The following RBFOX1 variants were observed in gnomAD, a reference collection of about 807,000 sequenced individuals.
The protein encoded by RBFOX1 is RNA binding protein fox-1 homolog 1.
A neutral mutation model predicts 57.7 loss-of-function variants in RBFOX1; 8 were observed. The ratio of observed to expected loss-of-function variants is 0.14; its 90% CI spans 0.08 to 0.25. The LOEUF is 0.25. Among genes scored for constraint, RBFOX1 ranks in the 10% least tolerant of loss-of-function variants. The probability of loss-of-function intolerance (pLI) is 1.00; values close to 1 mark genes in which losing one functional copy is unlikely to be tolerated. For synonymous variants in RBFOX1, 326 were observed against 222.4 expected (o/e 1.47, Z -4.15); for missense variants, 611 against 548.5 (o/e 1.11, Z -1.14).
chr16:6,239,815 C>T (rs1358548661), intron 1 of RBFOX1, among the ~76,000 whole-genome samples: 2 of 152,068 alleles, frequency 1.3e-5, no homozygotes, highest in Non-Finnish European at 2.9e-5. Flanking sequence ...ACTGTTAAAA[C>T]ATTTTCTTTT....
chr16:7,597,473 C>G, intron 9 of RBFOX1, 42 bp downstream of exon 9: 1 of 1,487,550 alleles, frequency 6.7e-7, no homozygotes, highest in South Asian at 1.2e-5. Context: ...CTCTCTACTT[C>G]TGACTCTTTA....
At chr16:7,486,890 A>C (rs1376251918) in intron 4 of RBFOX1, among the ~76,000 whole-genome samples, 1 of 151,842 alleles carries the variant, frequency 6.6e-6, no homozygotes, top group Admixed American at 6.6e-5. Context: ...CACAATTCTC[A>C]CTTCAAGGCA....
At chr16:6,777,396 G>A (rs13332418) in intron 3 of RBFOX1, among the ~76,000 whole-genome samples, 2,685 of 152,172 alleles carry the variant, frequency 0.018, 79 homozygotes, top group African/African-American at 0.062. Flanking sequence ...CGAGGCAGGC[G>A]CTCGGGGAAT....
chr16:7,185,102 C>T (rs1237940118), intron 4 of RBFOX1, among the ~76,000 whole-genome samples: 2 of 152,138 alleles, frequency 1.3e-5, no homozygotes, highest in Non-Finnish European at 2.9e-5. Flanking sequence ...TCTATTTAAA[C>T]CACCTAACAG....
At chr16:7,088,577 G>A (rs1773172793) in intron 4 of RBFOX1, among the ~76,000 whole-genome samples, 1 of 151,632 alleles carries the variant, frequency 6.6e-6, no homozygotes, top group South Asian at 2.1e-4. Flanking sequence ...TAAAATAAGA[G>A]CAATGAAGTG....
chr16:6,904,686 G>T (rs555084041), intron 3 of RBFOX1, among the ~76,000 whole-genome samples: 1 of 150,390 alleles, frequency 6.6e-6, no homozygotes, highest in African/African-American at 2.4e-5. Flanking sequence ...TGGGGAAGCA[G>T]CTGCTTTTTC....
At chr16:6,527,411 C>T (rs116512472) in intron 2 of RBFOX1, among the ~76,000 whole-genome samples, 1,918 of 152,186 alleles carry the variant, frequency 0.013, 28 homozygotes, top group African/African-American at 0.039. Context: ...TCCTTCCCCC[C>T]ATCACTTAAT....
chr16:7,098,752 C>A (rs1173541120), intron 4 of RBFOX1, among the ~76,000 whole-genome samples: 1 of 151,854 alleles, frequency 6.6e-6, no homozygotes, highest in Admixed American at 6.6e-5. Flanking sequence ...GAGTTTGAGA[C>A]CAGCCTGGGC....
chr16:6,823,234 G>C (rs1471110877), intron 3 of RBFOX1, among the ~76,000 whole-genome samples: 1 of 151,586 alleles, frequency 6.6e-6, no homozygotes, highest in African/African-American at 2.4e-5. Flanking sequence ...TGGCCCATCT[G>C]AAATTGTTTT....
chr16:7,114,666 C>T (rs566124165), intron 4 of RBFOX1, among the ~76,000 whole-genome samples: 91 of 152,318 alleles, frequency 6.0e-4, no homozygotes, highest in Middle Eastern at 3.4e-3. Context: ...CTCATGCCTT[C>T]TTCCCCTGCC....
At chr16:7,396,538 C>G (rs1597386787) in intron 4 of RBFOX1, among the ~76,000 whole-genome samples, 2 of 152,306 alleles carry the variant, frequency 1.3e-5, no homozygotes, top group East Asian at 3.9e-4. Context: ...GCTTAATACT[C>G]TGCGGACCTC....
intron 4 of RBFOX1, among the ~76,000 whole-genome samples, chr16:7,194,520 T>C (rs2086206257): frequency 6.6e-6 from 1 of 152,178 alleles, no homozygotes; most frequent in African/African-American, 2.4e-5. Flanking sequence ...AAAATGTACA[T>C]TTAAATTACC....
At chr16:6,856,147 C>G (rs1022731173) in intron 3 of RBFOX1, among the ~76,000 whole-genome samples, 1 of 151,866 alleles carries the variant, frequency 6.6e-6, no homozygotes, top group Admixed American at 6.6e-5. Flanking sequence ...CTTCCCTTCC[C>G]TTTACCTTCC....
Position 5,754,268 on chromosome 16 carries a change from G to A in RBFOX1, c.319-113035G>A, listed in dbSNP as rs1403469887. ...GGTACCTTCCCTGTAAGCGTCTTGGGAGGATTAATTGTGTTAATCTATGTA... is the reference window on the plus strand; with the variant it reads ...GGTACCTTCCCTGTAAGCGTCTTGGAAGGATTAATTGTGTTAATCTATGTA... On this transcript the variant is annotated intron_variant, in intron 3 of 19. Coordinates refer to the RBFOX1 transcript ENST00000641259. 2.0e-5 allele frequency among the ~76,000 whole-genome samples: 3 copies of A among 152,120 alleles called. No homozygotes were observed. The East Asian group carries it at 5.8e-4, about 29-fold the overall frequency.
At chr16:7,553,145 T>G (rs2087123367) in intron 5 of RBFOX1, among the ~76,000 whole-genome samples, 1 of 152,162 alleles carries the variant, frequency 6.6e-6, no homozygotes, top group African/African-American at 2.4e-5. Context: ...TTTAAAATTT[T>G]ATTTCTTTCT....
chr16:7,471,536 C>A (rs1337337865), intron 4 of RBFOX1, among the ~76,000 whole-genome samples: 1 of 152,102 alleles, frequency 6.6e-6, no homozygotes, highest in Non-Finnish European at 1.5e-5. Context: ...CAGTTTACTT[C>A]TGAACATCAG....
In RBFOX1 at chr16:7,365,981, G is replaced by A. The variant is rs576083855; in HGVS notation, c.28-152166G>A. Among the ~76,000 whole-genome samples the A allele has an allele frequency of 3.3e-5, 5 of 152,304 alleles. No homozygotes were observed. The South Asian group carries it at 6.2e-4, about 19-fold the overall frequency. ...GCTGCTAATAGAAGGTGGGTGAGAA[G>A]ACTCATCCTGTGATATCAGAACAGA... On this transcript the variant is annotated intron_variant, in intron 4 of 15. Coordinates refer to ENST00000550418, the MANE Select transcript of RBFOX1 (RefSeq NM_018723.4).
intron 2 of RBFOX1, among the ~76,000 whole-genome samples, chr16:6,603,579 G>A (rs534980810): frequency 6.6e-6 from 1 of 152,210 alleles, no homozygotes; most frequent in Middle Eastern, 3.4e-3. Flanking sequence ...GAGCCTCTTG[G>A]GGTAGGCTCT....
chr16:6,034,646 C>G (rs568617303), intron 1 of RBFOX1, among the ~76,000 whole-genome samples: 3 of 152,122 alleles, frequency 2.0e-5, no homozygotes, highest in African/African-American at 4.8e-5. Flanking sequence ...TAAGTTTGAA[C>G]GTGAATTTTG....
Sources: gnomAD v4.1 joint callset for allele counts (sites outside exome capture counted in the v4.1 genomes callset) on GRCh38, gnomAD v4.1.1 for gene constraint, MANE v1.5 for transcripts, NCBI Gene and HGNC (gene_info 2026-07-23, HGNC 2026-07-21) for gene names.